Variants in WDR93 observed in about 807,000 individuals in gnomAD.
WDR93 encodes WD repeat-containing protein 93.
In WDR93, 73 loss-of-function variants were observed where a neutral mutation model predicts 82.9. The observed-to-expected ratio is 0.88, with a 90% CI of 0.73 to 1.07. The LOEUF (loss-of-function observed/expected upper bound fraction) is 1.07. Among genes scored for constraint, WDR93 ranks in the 50% least tolerant of loss-of-function variants. The pLI is 0.00. For missense variants in WDR93, 738 were observed against 826.0 expected (o/e 0.89, Z 1.31); for synonymous variants, 283 against 300.1 (o/e 0.94, Z 0.59).
intron 4 of WDR93, among the ~76,000 whole-genome samples, chr15:89,708,692 G>T (rs76119235): frequency 6.6e-6 from 1 of 152,242 alleles, no homozygotes; most frequent in Admixed American, 6.5e-5. Context: ...TGCTTTCCCA[G>T]TGTAGTAGAT....
intron 13 of WDR93, among the ~76,000 whole-genome samples, chr15:89,734,071 C>T (rs79124602): frequency 0.016 from 2,490 of 152,222 alleles, 82 homozygotes; most frequent in African/African-American, 0.057. Flanking sequence ...ATCAACTCCC[C>T]TGAAACCGTT....
At chr15:89,727,651 T>A (rs1966790629) in intron 9 of WDR93, among the ~76,000 whole-genome samples, 1 of 152,180 alleles carries the variant, frequency 6.6e-6, no homozygotes, top group Admixed American at 6.6e-5. Flanking sequence ...TACTATATAG[T>A]TAGAACAAAG....
chr15:89,722,036 T>C lies in WDR93; in HGVS notation c.796-19T>C, dbSNP rs370991239. ...CTCTCTTCTCTTGGCTTATTAACTA[T>C]GCCTTTTCCTTGTTTTAGGATGCAA... On this transcript the variant is annotated intron_variant, in intron 7 of 16. Coordinates refer to ENST00000268130, the MANE Select transcript of WDR93 (RefSeq NM_020212.2). The C allele has an allele frequency of 1.8e-5, 27 of 1,497,462 alleles. No individual in the cohort carries two copies. The highest frequency in any genetic ancestry group is 2.3e-5 in the Non-Finnish European group (25 of 1,083,366). The allele number at this position is 1,497,462 out of a possible 1,614,324, so 92.8% of individuals were successfully genotyped here. A position where few individuals can be genotyped will look rare whatever the true frequency, so the allele number is the denominator to read the frequency against.
chr15:89,709,814 T>G (rs954736529), intron 4 of WDR93, among the ~76,000 whole-genome samples: 1 of 152,050 alleles, frequency 6.6e-6, no homozygotes, highest in East Asian at 1.9e-4. Flanking sequence ...AAACATTTGT[T>G]CACAAAAAGA....
intron 8 of WDR93, among the ~76,000 whole-genome samples, chr15:89,722,961 T>A (rs1040716871): frequency 6.6e-6 from 1 of 152,076 alleles, no homozygotes; most frequent in Non-Finnish European, 1.5e-5. Flanking sequence ...TCCTAGCACT[T>A]TGGGAGGCCA....
intron 4 of WDR93, among the ~76,000 whole-genome samples, chr15:89,707,151 A>G (rs933964097): frequency 1.3e-5 from 2 of 152,208 alleles, no homozygotes; most frequent in African/African-American, 2.4e-5. Context: ...AAGAAGATGT[A>G]TGGAAGGCAA....
rs371941309 is a variant in WDR93 at position 89,729,668 on chromosome 15, C to T, written c.1124-15C>T. On this transcript the variant is annotated splice_polypyrimidine_tract_variant and intron_variant, in intron 10 of 16. Coordinates refer to ENST00000268130, the MANE Select transcript of WDR93 (RefSeq NM_020212.2). The stretch of plus-strand genomic sequence containing the variant: ...GTAACACCCATTTTCTGTCTTTCCC[C>T]CGCCCCCCCACCAGGAATGGCCTGT... The T allele has an allele frequency of 7.5e-6, 12 of 1,609,414 alleles. No individual in the cohort carries two copies. The African/African-American group carries it at 1.5e-4, about 20-fold the overall frequency.
At chr15:89,727,845 G>GT (rs1451443432) in intron 9 of WDR93, among the ~76,000 whole-genome samples, 1 of 152,024 alleles carries the variant, frequency 6.6e-6, no homozygotes, top group African/African-American at 2.4e-5. Context: ...CACTTTGAGA[G>GT]TCTGAGGCAT....
intron 1 of WDR93, among the ~76,000 whole-genome samples, chr15:89,699,998 T>G (rs992573805): frequency 6.6e-6 from 1 of 152,210 alleles, no homozygotes; most frequent in African/African-American, 2.4e-5. Context: ...ATCCTAGACA[T>G]TGGGAATTTT....
At chr15:89,717,092 T>C in intron 7 of WDR93, 143 bp downstream of exon 7, 1 of 570,226 alleles carries the variant, frequency 1.8e-6, no homozygotes, top group Non-Finnish European at 2.7e-6. Context: ...TTCTTGTTGC[T>C]CTTGTTGCTC....
intron 3 of WDR93, 126 bp from the exon 4 acceptor site, chr15:89,705,428 G>T (rs1044709783): frequency 1.4e-6 from 1 of 699,494 alleles, no homozygotes; most frequent in Non-Finnish European, 2.6e-6. Context: ...CAGTGGAGGG[G>T]CTGGGAAGGA....
In WDR93 at chr15:89,743,319, G is replaced by A. The variant is rs971680521; in HGVS notation, c.1989G>A (p.Glu663=). ...KSYRKLEKNP[E]KEEEHWARLQ... ...ATCGGAAGCTGGAGAAGAACCCAGA[G>A]AAGGAGGAGGAGCACTGGGCCCGGC... Residue 663 remains glutamate (E), a synonymous_variant, in exon 17 of 17, where the codon GAG becomes GAA. Coordinates refer to ENST00000268130, the MANE Select transcript of WDR93 (RefSeq NM_020212.2). The A allele has an allele frequency of 1.2e-5, 19 of 1,614,106 alleles. No homozygotes were observed. The highest frequency in any genetic ancestry group is 1.6e-5 in the Non-Finnish European group (19 of 1,180,052).
At chr15:89,727,411 C>A in intron 9 of WDR93, 83 bp downstream of exon 9, 1 of 1,433,266 alleles carries the variant, frequency 7.0e-7, no homozygotes, top group East Asian at 2.4e-5. Context: ...ACCCAGGGAC[C>A]TGAATTAATC....
intron 7 of WDR93, chr15:89,721,216 T>C (rs1241137352): frequency 6.6e-6 from 1 of 152,250 alleles, no homozygotes; most frequent in African/African-American, 2.4e-5. Flanking sequence ...ATATTTAATA[T>C]AACGAGTTTC....
At chr15:89,719,835 C>G (rs544541714) in intron 7 of WDR93, among the ~76,000 whole-genome samples, 1 of 151,242 alleles carries the variant, frequency 6.6e-6, no homozygotes, top group East Asian at 1.9e-4. Flanking sequence ...GAATCTCGCT[C>G]TGTCACCCAG....
intron 13 of WDR93, among the ~76,000 whole-genome samples, chr15:89,734,397 T>C (rs1395512332): frequency 2.0e-5 from 3 of 152,142 alleles, no homozygotes; most frequent in Non-Finnish European, 4.4e-5. Context: ...GCACCTCGGT[T>C]TTCCTCATGG....
chr15:89,699,086 T>G (rs1965328330), intron 1 of WDR93, among the ~76,000 whole-genome samples: 1 of 152,064 alleles, frequency 6.6e-6, no homozygotes, highest in African/African-American at 2.4e-5. Flanking sequence ...GGTCTTGAAC[T>G]TTAGGGCTCA....
chr15:89,707,500 G>T (rs2141613787), intron 4 of WDR93, among the ~76,000 whole-genome samples: 1 of 152,202 alleles, frequency 6.6e-6, no homozygotes, highest in East Asian at 1.9e-4. Flanking sequence ...AGTGAGCTGA[G>T]ATTACACCAC....
rs373207715 is a variant in WDR93, at chr15:89,736,877, T to C, written c.1609-696T>C. On this transcript the variant is annotated intron_variant, in intron 14 of 16. Coordinates refer to ENST00000268130, the MANE Select transcript of WDR93 (RefSeq NM_020212.2). ...TGCAATCTTGGCTCACTGCAAGCTC[T>C]GCCTCCCGGGTTCACACCATTCTCC... Among the ~76,000 whole-genome samples the C allele has an allele frequency of 1.5e-3, 233 of 151,490 alleles. 3 individuals are homozygous for C. Among genetic ancestry groups the C allele is most frequent in the South Asian group, 0.012 (56 of 4,790 alleles).
Sources: gnomAD v4.1 joint callset for allele counts (sites outside exome capture counted in the v4.1 genomes callset) on GRCh38, gnomAD v4.1.1 for gene constraint, MANE v1.5 for transcripts, NCBI Gene and HGNC (gene_info 2026-07-23, HGNC 2026-07-21) for gene names.